Variants in VIL1 observed in about 807,000 individuals in gnomAD.
VIL1 encodes the protein villin 1, also known as villin-1.
Under a neutral mutation model 104.0 loss-of-function variants are expected in VIL1, and 86 were observed. That is an observed-to-expected ratio of 0.83 (90% confidence interval 0.69 to 0.99). The LOEUF (loss-of-function observed/expected upper bound fraction) is 0.99. Among genes scored for constraint, VIL1 ranks in the 50% least tolerant of loss-of-function variants. The pLI, the probability that VIL1 is intolerant of heterozygous loss-of-function variation, is 0.00. For synonymous variants in VIL1, 394 were observed against 412.6 expected, an observed-to-expected ratio of 0.95 and a Z score of 0.55; for missense variants, 944 against 1,054.1, an observed-to-expected ratio of 0.90 and a Z score of 1.45.
intron 18 of VIL1, 70 bp from the exon 19 acceptor site, chr2:218,440,650 CAG>C: frequency 6.3e-7 from 1 of 1,596,404 alleles, no homozygotes; most frequent in Non-Finnish European, 8.6e-7. Context: ...CTAGAGACTT[CAG>C]AGAGAAAGGC....
In VIL1 at chr2:218,432,029, C is replaced by T. The variant is rs745924435; in HGVS notation, c.1204-17C>T. 7 of 1,614,054 alleles carry T rather than the reference C, an allele frequency of 4.3e-6. No homozygotes were observed. In the East Asian group the frequency reaches 1.6e-4, roughly 36 times the overall value. On this transcript the variant is annotated splice_polypyrimidine_tract_variant and intron_variant, in intron 11 of 19. Coordinates refer to ENST00000248444, the MANE Select transcript of VIL1 (RefSeq NM_007127.3). ...GAGCCTGTCCTGGACCTCACCCTGG[C>T]CTGATACTGGCCCTAGGTGTGGCGC...
chr2:218,437,459 A>G, intron 17 of VIL1, 147 bp downstream of exon 17: 1 of 1,110,784 alleles, frequency 9.0e-7, no homozygotes, highest in South Asian at 1.7e-5. Flanking sequence ...GTAAGGCTGC[A>G]CTAAGGCCAT....
chr2:218,446,781 T>G (rs2106398262), intron 19 of VIL1, among the ~76,000 whole-genome samples: 1 of 119,022 alleles, frequency 8.4e-6, no homozygotes, highest in Admixed American at 9.2e-5. Flanking sequence ...TTTTTTTTTT[T>G]GAGACAGAGT....
At chr2:218,447,298 G>GT (rs1689380845) in intron 19 of VIL1, among the ~76,000 whole-genome samples, 2 of 152,102 alleles carry the variant, frequency 1.3e-5, no homozygotes, top group South Asian at 4.1e-4. Flanking sequence ...TAGAAGAGTT[G>GT]TATGTCCTGT....
intron 19 of VIL1, among the ~76,000 whole-genome samples, chr2:218,446,033 A>G (rs899263621): frequency 6.6e-6 from 1 of 152,122 alleles, no homozygotes; most frequent in Non-Finnish European, 1.5e-5. Context: ...TTATACAAAT[A>G]TTTTTTGACT....
intron 19 of VIL1, among the ~76,000 whole-genome samples, chr2:218,443,272 C>T (rs146059626): frequency 0.011 from 1,706 of 150,332 alleles, 23 homozygotes; most frequent in Non-Finnish European, 0.019. Context: ...GATCTCGGCT[C>T]ACTGCAACCT....
In VIL1 at chr2:218,427,955, C is replaced by T; in HGVS notation, c.348-10C>T. On this transcript the variant is annotated splice_polypyrimidine_tract_variant and intron_variant, in intron 4 of 19. Coordinates refer to ENST00000248444, the MANE Select transcript of VIL1 (RefSeq NM_007127.3). ...CCCACTTCCTTGGGTCAGCTCACCTCTCTTCTCAGGATCCGGAAAGGGGGC... is the reference window on the plus strand; with the variant it reads ...CCCACTTCCTTGGGTCAGCTCACCTTTCTTCTCAGGATCCGGAAAGGGGGC... The T allele has an allele frequency of 6.2e-7, 1 of 1,613,646 alleles. No individual in the cohort carries two copies. Among genetic ancestry groups the T allele is most frequent in the Non-Finnish European group, 8.5e-7 (1 of 1,179,792 alleles).
In VIL1 at chr2:218,425,603, C is replaced by A; in HGVS notation, c.151-12C>A. The A allele has an allele frequency of 6.2e-7, 1 of 1,613,736 alleles. No individual in the cohort carries two copies. Among genetic ancestry groups the A allele is most frequent in the East Asian group, 2.2e-5 (1 of 44,876 alleles). On this transcript the variant is annotated splice_polypyrimidine_tract_variant and intron_variant, in intron 3 of 19. Coordinates refer to ENST00000248444, the MANE Select transcript of VIL1 (RefSeq NM_007127.3). Reference sequence around the variant, plus strand: ...CCCAGGGTCTCGGGTACACTGGACACCTTTTCCCTAGATCCACAAGACAGC... The same window carrying A: ...CCCAGGGTCTCGGGTACACTGGACAACTTTTCCCTAGATCCACAAGACAGC...
rs1206416781 is a variant in VIL1, at chr2:218,449,773, ACTTTC to A, written c.*441_*445del. 5.8e-6 allele frequency: 1 copy of A among 173,490 alleles called. No individual in the cohort carries two copies. Among genetic ancestry groups the A allele is most frequent in the Non-Finnish European group, 1.3e-5 (1 of 79,310 alleles). 10.7% of individuals were successfully genotyped at this position (173,490 alleles called of 1,614,324 possible). ...GTAACAGCTTTTCCTTTTCACATAT[ACTTTC>A]CTTACTGCCTTACTCAGTGGGTAAG... On this transcript the variant is annotated 3_prime_UTR_variant, in exon 20 of 20. Coordinates refer to ENST00000248444, the MANE Select transcript of VIL1 (RefSeq NM_007127.3).
intron 3 of VIL1, among the ~76,000 whole-genome samples, chr2:218,425,056 T>A (rs1292634886): frequency 1.3e-5 from 2 of 152,070 alleles, no homozygotes; most frequent in African/African-American, 2.4e-5. Context: ...TGACTCATTT[T>A]AAATTTTTAT....
At chr2:218,449,015 A>G (rs540889016) in intron 19 of VIL1, among the ~76,000 whole-genome samples, 1 of 151,824 alleles carries the variant, frequency 6.6e-6, no homozygotes, top group South Asian at 2.1e-4. Flanking sequence ...GAAAAAAAAA[A>G]AAATCAGGGA....
In VIL1 at chr2:218,435,353, A is replaced by G; in HGVS notation, c.1745A>G (p.Lys582Arg). 1 of 1,614,148 alleles carries G rather than the reference A, an allele frequency of 6.2e-7. No homozygotes were observed. The highest frequency in any genetic ancestry group is 2.2e-5 in the East Asian group (1 of 44,874). Residue 582 changes from lysine to arginine, a missense_variant, in exon 15 of 20, where the codon AAG (lysine) becomes AGG (arginine). By Grantham distance (26) the Lys-to-Arg change is conservative. Coordinates refer to ENST00000248444, the MANE Select transcript of VIL1 (RefSeq NM_007127.3). ...MVADTISRTEKQVVVEGQEPA... is the reference protein window; with the variant it reads ...MVADTISRTERQVVVEGQEPA... ...GCTGACACCATCTCCCGGACGGAGAAGCAAGTGGTGGTGGAAGGGCAGGAG... is the reference window on the plus strand; with the variant it reads ...GCTGACACCATCTCCCGGACGGAGAGGCAAGTGGTGGTGGAAGGGCAGGAG...
intron 17 of VIL1, among the ~76,000 whole-genome samples, chr2:218,438,272 A>G (rs1689228824): frequency 6.6e-6 from 1 of 152,088 alleles, no homozygotes; most frequent in African/African-American, 2.4e-5. Context: ...GCTCCCTTCT[A>G]TTATCTGGGG....
chr2:218,429,955 T>TTTGGGGG lies in VIL1; in HGVS notation c.948+8_948+9insTTGGGGG. ...GCCATGAGCCATGCGCTGGTAGTGG[T>TTTGGGGG]GGGGGCGGGGGAGGGTCCAGGAGGA... On this transcript the variant is annotated intron_variant, in intron 9 of 19. Transcript: ENST00000248444. 1.7e-6 allele frequency: 1 copy of TTTGGGGG among 577,720 alleles called. No homozygotes were observed. The highest frequency in any genetic ancestry group is 2.5e-6 in the Non-Finnish European group (1 of 394,772). 35.8% of individuals were successfully genotyped at this position (577,720 alleles called of 1,614,324 possible). A position where few individuals can be genotyped will look rare whatever the true frequency, so the allele number is the denominator to read the frequency against.
chr2:218,430,038 A>G, intron 9 of VIL1, 91 bp downstream of exon 9: 1 of 1,174,210 alleles, frequency 8.5e-7, no homozygotes, highest in Non-Finnish European at 1.2e-6. Flanking sequence ...AGGCAGGCTC[A>G]GACCAGGGCA....
chr2:218,432,850 G>T lies in VIL1; in HGVS notation c.1399G>T (p.Asp467Tyr). The T allele has an allele frequency of 1.2e-6, 2 of 1,614,198 alleles. No homozygotes were observed. Among genetic ancestry groups the T allele is most frequent in the Non-Finnish European group, 1.7e-6 (2 of 1,180,040 alleles). ...TASAYQAVIL[D>Y]QKYNGEPVQI... ...ATCAGCTTATCAAGCCGTCATCCTGGACCAGAAGTACAATGGTGAACCAGT... is the reference window on the plus strand; with the variant it reads ...ATCAGCTTATCAAGCCGTCATCCTGTACCAGAAGTACAATGGTGAACCAGT... Residue 467 changes from aspartate to tyrosine, a missense_variant, in exon 13 of 20, where the codon GAC becomes TAC. Coordinates refer to ENST00000248444, the MANE Select transcript of VIL1 (RefSeq NM_007127.3).
chr2:218,445,293 G>A (rs1689346644), intron 19 of VIL1, among the ~76,000 whole-genome samples: 1 of 152,128 alleles, frequency 6.6e-6, no homozygotes, highest in East Asian at 1.9e-4. Flanking sequence ...CCAGCTACCT[G>A]GGAGGGTGAG....
intron 1 of VIL1, among the ~76,000 whole-genome samples, chr2:218,420,864 C>T (rs1011424161): frequency 4.6e-5 from 7 of 152,176 alleles, no homozygotes; most frequent in African/African-American, 1.7e-4. Flanking sequence ...GGATTACACG[C>T]GTGAGCCACC....
chr2:218,451,717 A>G lies in VIL1; in HGVS notation c.*2381A>G, dbSNP rs1409704375. Reference sequence around the variant, plus strand: ...ATTTTATACTTGATCAAGGAGAAAAATAAATGTGTAGTCTAACATTTGCTT... The same window carrying G: ...ATTTTATACTTGATCAAGGAGAAAAGTAAATGTGTAGTCTAACATTTGCTT... On this transcript the variant is annotated 3_prime_UTR_variant, in exon 20 of 20. Coordinates refer to ENST00000248444, the MANE Select transcript of VIL1 (RefSeq NM_007127.3). The G allele has an allele frequency of 6.6e-6, 1 of 152,424 alleles. No homozygotes were observed. The highest frequency in any genetic ancestry group is 1.5e-5 in the Non-Finnish European group (1 of 68,048). The allele number at this position is 152,424 out of a possible 1,614,324, so 9.4% of individuals were successfully genotyped here. A position where few individuals can be genotyped will look rare whatever the true frequency, so the allele number is the denominator to read the frequency against.
Sources: allele counts gnomAD v4.1 joint callset (sites outside exome capture counted in the v4.1 genomes callset), GRCh38; gene constraint gnomAD v4.1.1; transcripts MANE v1.5; gene names NCBI Gene and HGNC (gene_info 2026-07-23, HGNC 2026-07-21).